MRTFB: variants seen among roughly 807,000 people sequenced by gnomAD.
The protein encoded by MRTFB is myocardin related transcription factor B, also known as myocardin-related transcription factor B.
Under a neutral mutation model 104.2 loss-of-function variants are expected in MRTFB, and 29 were observed. The observed-to-expected ratio is 0.28, with a 90% CI of 0.21 to 0.38. The LOEUF is 0.38. Among genes scored for constraint, MRTFB ranks in the 10% least tolerant of loss-of-function variants. The probability of loss-of-function intolerance (pLI) is 1.00; values close to 1 mark genes in which losing one functional copy is unlikely to be tolerated. For missense variants in MRTFB, 1,270 were observed against 1,341.6 expected (o/e 0.95, Z 0.83); for synonymous variants, 535 against 519.5 (o/e 1.03, Z -0.41).
the MRTFB span, among the ~76,000 whole-genome samples, chr16:14,057,624 C>T: frequency 6.6e-6 from 1 of 152,126 alleles, no homozygotes; most frequent in East Asian, 1.9e-4. Flanking sequence ...TCCTTAAGTT[C>T]CCTGTTCTTG....
intron 3 of MRTFB, chr16:14,141,026 T>C (rs1225700782): frequency 1.4e-5 from 5 of 357,156 alleles, no homozygotes; most frequent in African/African-American, 1.0e-4. Flanking sequence ...CACAAGCAGA[T>C]GATTTCATGC....
At chr16:14,094,009 G>A in intron 2 of MRTFB, among the ~76,000 whole-genome samples, 1 of 152,302 alleles carries the variant, frequency 6.6e-6, no homozygotes, top group East Asian at 1.9e-4. Flanking sequence ...TGCTAATTAA[G>A]TCTTCAAAGG....
chr16:14,156,579 T>A (rs1172298928), intron 3 of MRTFB, among the ~76,000 whole-genome samples: 1 of 152,208 alleles, frequency 6.6e-6, no homozygotes. Flanking sequence ...TGGGATTGCT[T>A]GGAGATAATG....
the MRTFB span, among the ~76,000 whole-genome samples, chr16:14,014,816 C>T: frequency 1.3e-5 from 2 of 152,192 alleles, no homozygotes; most frequent in African/African-American, 4.8e-5. Flanking sequence ...TTGTAGTGAG[C>T]TGAGATCGTG....
chr16:14,174,334 G>A (rs2039514895), intron 3 of MRTFB, among the ~76,000 whole-genome samples: 1 of 151,990 alleles, frequency 6.6e-6, no homozygotes, highest in African/African-American at 2.4e-5. Flanking sequence ...GTGTTGTTTT[G>A]TGCATGGTCA....
intron 3 of MRTFB, among the ~76,000 whole-genome samples, chr16:14,150,588 C>A (rs2038564866): frequency 6.6e-6 from 1 of 152,148 alleles, no homozygotes; most frequent in South Asian, 2.1e-4. Flanking sequence ...TGTCTCACCC[C>A]TGTAGTGCCA....
intron 8 of MRTFB, among the ~76,000 whole-genome samples, chr16:14,226,335 T>C (rs192920067): frequency 5.3e-5 from 8 of 152,330 alleles, no homozygotes; most frequent in African/African-American, 1.7e-4. Context: ...AACAGTGGTA[T>C]TGGCATAAGA....
intron 8 of MRTFB, among the ~76,000 whole-genome samples, chr16:14,233,641 C>G (rs1233860313): frequency 1.3e-5 from 2 of 151,824 alleles, no homozygotes; most frequent in African/African-American, 2.4e-5. Flanking sequence ...AATACAAAAA[C>G]TAGCGGAGTG....
At chr16:14,154,293 C>G (rs1382711165) in intron 3 of MRTFB, among the ~76,000 whole-genome samples, 1 of 152,176 alleles carries the variant, frequency 6.6e-6, no homozygotes, top group African/African-American at 2.4e-5. Flanking sequence ...TAGGATCACA[C>G]TACTGCACTC....
At chr16:14,062,894 G>A in the MRTFB span, among the ~76,000 whole-genome samples, 8 of 152,212 alleles carry the variant, frequency 5.3e-5, no homozygotes, top group East Asian at 3.9e-4. Context: ...CTGGGAGCTC[G>A]ACCCTGCAAC....
At chr16:14,073,742 G>A (rs2033874181) in intron 1 of MRTFB, among the ~76,000 whole-genome samples, 1 of 152,224 alleles carries the variant, frequency 6.6e-6, no homozygotes, top group Non-Finnish European at 1.5e-5. Context: ...ATCTAAACTA[G>A]TGTAATCACC....
At chr16:14,203,804 GAAAAAA>G (rs908323645) in intron 3 of MRTFB, among the ~76,000 whole-genome samples, 1 of 46,574 alleles carries the variant, frequency 2.1e-5, no homozygotes, top group African/African-American at 6.9e-5. Context: ...ACTCTGTCTC[GAAAAAA>G]AAAAAAAAAA....
chr16:14,139,098 A>G (rs1178810782), intron 2 of MRTFB, among the ~76,000 whole-genome samples: 1 of 152,236 alleles, frequency 6.6e-6, no homozygotes. Context: ...CAAATTAAAA[A>G]TACTCTCCAT....
At chr16:14,081,144 A>G (rs938111215) in intron 2 of MRTFB, among the ~76,000 whole-genome samples, 3 of 152,112 alleles carry the variant, frequency 2.0e-5, no homozygotes, top group African/African-American at 7.2e-5. Flanking sequence ...CTTTGTCTCT[A>G]CATTTTTGCC....
the MRTFB span, among the ~76,000 whole-genome samples, chr16:14,045,198 A>C: frequency 5.7e-3 from 866 of 152,204 alleles, 9 homozygotes; most frequent in African/African-American, 0.02. Context: ...CTGGATGCAA[A>C]ATTTGAGCCC....
chr16:14,142,866 T>G (rs2038082447), intron 3 of MRTFB: 2 of 152,322 alleles, frequency 1.3e-5, no homozygotes, highest in South Asian at 4.1e-4. Flanking sequence ...CAGTCTCCCC[T>G]TATAAACTTC....
chr16:14,218,060 TGTTTG>T (rs2041505194), intron 7 of MRTFB, among the ~76,000 whole-genome samples: 1 of 152,066 alleles, frequency 6.6e-6, no homozygotes, highest in South Asian at 2.1e-4. Flanking sequence ...TTTTTTTGTT[TGTTTG>T]TTTTTCTTTT....
At chr16:14,106,966 G>T (rs561738193) in intron 2 of MRTFB, among the ~76,000 whole-genome samples, 1 of 152,300 alleles carries the variant, frequency 6.6e-6, no homozygotes, top group African/African-American at 2.4e-5. Flanking sequence ...TTGCTTGTGT[G>T]GCCCATTTAC....
chr16:14,058,000 A>G, the MRTFB span, among the ~76,000 whole-genome samples: 1 of 152,214 alleles, frequency 6.6e-6, no homozygotes, highest in African/African-American at 2.4e-5. Flanking sequence ...TGAGCTGACC[A>G]GAAATAAACC....
Sources: allele counts gnomAD v4.1 joint callset (sites outside exome capture counted in the v4.1 genomes callset), GRCh38; gene constraint gnomAD v4.1.1; transcripts MANE v1.5; gene names NCBI Gene and HGNC (gene_info 2026-07-23, HGNC 2026-07-21).